GPC6: variants seen among roughly 807,000 people sequenced by gnomAD.
GPC6 encodes glypican 6, also known as glypican-6.
A neutral mutation model predicts 55.2 loss-of-function variants in GPC6; 14 were observed. That is an observed-to-expected ratio of 0.25 (90% CI 0.17 to 0.40). The LOEUF (loss-of-function observed/expected upper bound fraction) is 0.40. GPC6 is among the 10% of genes least tolerant of loss of function. The probability of loss-of-function intolerance (pLI) is 1.00; values close to 1 mark genes in which losing one functional copy is unlikely to be tolerated. For synonymous variants in GPC6, 278 were observed against 259.6 expected (o/e 1.07, Z -0.68); for missense variants, 641 against 708.5 (o/e 0.90, Z 1.08).
intron 3 of GPC6, among the ~76,000 whole-genome samples, chr13:93,853,953 C>T (rs993325443): frequency 1.3e-5 from 2 of 151,604 alleles, no homozygotes; most frequent in Non-Finnish European, 3.0e-5. Context: ...TGTCAGGTGT[C>T]GGAATTGCTT....
At chr13:93,273,528 G>A (rs1877618615) in intron 1 of GPC6, among the ~76,000 whole-genome samples, 1 of 151,940 alleles carries the variant, frequency 6.6e-6, no homozygotes, top group Admixed American at 6.5e-5. Context: ...CGTGGTGGTG[G>A]GCGCCTGTAG....
intron 3 of GPC6, among the ~76,000 whole-genome samples, chr13:93,995,313 A>C (rs1358262782): frequency 6.6e-6 from 1 of 151,778 alleles, no homozygotes; most frequent in African/African-American, 2.4e-5. Context: ...ACAGCCTCCC[A>C]AGTAGCTGGG....
At chr13:93,930,034 A>C (rs1878076499) in intron 3 of GPC6, among the ~76,000 whole-genome samples, 1 of 152,042 alleles carries the variant, frequency 6.6e-6, no homozygotes, top group Admixed American at 6.6e-5. Context: ...ATGTTTTCAA[A>C]CTTTTTAATT....
intron 4 of GPC6, among the ~76,000 whole-genome samples, chr13:94,034,200 A>AGAAAGAAGGAGGGAAGGAAG (rs796156525): frequency 1.4e-5 from 1 of 72,622 alleles, no homozygotes; most frequent in Non-Finnish European, 3.9e-5. Context: ...AAAGAAAGAA[A>AGAAAGAAGGAGGGAAGGAAG]GAAGGAAGGA....
chr13:93,479,140 G>A (rs1879404205), intron 1 of GPC6, among the ~76,000 whole-genome samples: 1 of 152,134 alleles, frequency 6.6e-6, no homozygotes, highest in Non-Finnish European at 1.5e-5. Flanking sequence ...CTTGGAAGAT[G>A]GGTGGAATAG....
intron 2 of GPC6, among the ~76,000 whole-genome samples, chr13:93,789,509 C>CTCTATA (rs1363454667): frequency 3.6e-4 from 34 of 93,456 alleles, no homozygotes; most frequent in East Asian, 1.3e-3. Flanking sequence ...CTCTCTCTCT[C>CTCTATA]TATATATATA....
At chr13:93,738,649 A>G (rs891231577) in intron 2 of GPC6, among the ~76,000 whole-genome samples, 2 of 152,106 alleles carry the variant, frequency 1.3e-5, no homozygotes, top group Non-Finnish European at 2.9e-5. Flanking sequence ...AGGTAGAGAC[A>G]TGGGGGTTTG....
intron 3 of GPC6, among the ~76,000 whole-genome samples, chr13:93,972,126 A>G (rs867266096): frequency 6.6e-5 from 10 of 152,294 alleles, no homozygotes; most frequent in Middle Eastern, 3.4e-3. Context: ...GTCCAATCAC[A>G]TAGGTTAAGC....
At chr13:93,256,785 C>T (rs1400556110) in intron 1 of GPC6, among the ~76,000 whole-genome samples, 1 of 152,042 alleles carries the variant, frequency 6.6e-6, no homozygotes, top group Non-Finnish European at 1.5e-5. Context: ...TGAACTTGGC[C>T]CTCAAGGAGC....
chr13:93,591,618 C>T (rs1454707151), intron 2 of GPC6, among the ~76,000 whole-genome samples: 1 of 151,896 alleles, frequency 6.6e-6, no homozygotes, highest in Non-Finnish European at 1.5e-5. Context: ...ATGTTTGTTT[C>T]AGTATGTTTC....
intron 2 of GPC6, among the ~76,000 whole-genome samples, chr13:93,545,741 A>G (rs1453052958): frequency 6.6e-6 from 1 of 152,208 alleles, no homozygotes; most frequent in Non-Finnish European, 1.5e-5. Flanking sequence ...CAGCTTGTCT[A>G]GTTTTCATAT....
At chr13:93,288,456 T>G (rs901461347) in intron 1 of GPC6, among the ~76,000 whole-genome samples, 1 of 152,058 alleles carries the variant, frequency 6.6e-6, no homozygotes, top group African/African-American at 2.4e-5. Context: ...TAAAACTTTC[T>G]TTTTTTTCTT....
rs530352178 is a variant in GPC6, at chr13:93,738,677, G to A, written c.320-91477G>A. Among the ~76,000 whole-genome samples the A allele has an allele frequency of 1.3e-3, 196 of 152,096 alleles. 1 individual carries two copies. Among genetic ancestry groups the A allele is most frequent in the African/African-American group, 4.5e-3 (188 of 41,484 alleles). ...GGGGTTTGGAGTAGGAGAGAGAGGA[G>A]GGGAAGTAAAGCACCCCTCGTAGGA... On this transcript the variant is annotated intron_variant, in intron 2 of 8. Coordinates refer to ENST00000377047, the MANE Select transcript of GPC6 (RefSeq NM_005708.5).
intron 1 of GPC6, among the ~76,000 whole-genome samples, chr13:93,344,356 C>T (rs1880362554): frequency 6.6e-6 from 1 of 152,282 alleles, no homozygotes; most frequent in African/African-American, 2.4e-5. Flanking sequence ...TGTCATATCC[C>T]AAGGCAGGCT....
At chr13:94,256,687 C>T (rs1433219808) in intron 4 of GPC6, among the ~76,000 whole-genome samples, 1 of 152,108 alleles carries the variant, frequency 6.6e-6, no homozygotes, top group Non-Finnish European at 1.5e-5. Flanking sequence ...CAGGATTTAA[C>T]CTCAAGGGTC....
chr13:93,380,339 A>G (rs1298396032), intron 1 of GPC6, among the ~76,000 whole-genome samples: 3 of 152,172 alleles, frequency 2.0e-5, no homozygotes, highest in Non-Finnish European at 2.9e-5. Context: ...TATTGGGGAA[A>G]TAGACTCAGG....
chr13:93,860,345 T>A (rs1165381189), intron 3 of GPC6, among the ~76,000 whole-genome samples: 2 of 151,686 alleles, frequency 1.3e-5, no homozygotes, highest in African/African-American at 2.4e-5. Flanking sequence ...TTAAATACTT[T>A]CATGCATTTT....
At chr13:93,578,423 G>A (rs1272369771) in intron 2 of GPC6, among the ~76,000 whole-genome samples, 1 of 151,424 alleles carries the variant, frequency 6.6e-6, no homozygotes, top group Non-Finnish European at 1.5e-5. Flanking sequence ...ATTCTGTCTT[G>A]GTAGAATTTA....
chr13:94,059,744 A>G (rs916228058), intron 4 of GPC6, among the ~76,000 whole-genome samples: 1 of 151,776 alleles, frequency 6.6e-6, no homozygotes. Flanking sequence ...ATGCCCTCAC[A>G]TAGTGGAAGG....
Sources: allele counts gnomAD v4.1 joint callset (sites outside exome capture counted in the v4.1 genomes callset), GRCh38; gene constraint gnomAD v4.1.1; transcripts MANE v1.5; gene names NCBI Gene and HGNC (gene_info 2026-07-23, HGNC 2026-07-21).